The following ILRUN variants were observed in gnomAD, a reference collection of about 807,000 sequenced individuals.
ILRUN encodes the protein protein ILRUN.
ILRUN carries 3 observed loss-of-function variants against 33.8 expected under a neutral mutation model. The ratio of observed to expected loss-of-function variants is 0.09; its 90% confidence interval spans 0.04 to 0.23. ILRUN has a LOEUF of 0.23. Ranked by LOEUF, ILRUN falls within the 10% of genes least tolerant of loss-of-function variation. The pLI is 1.00. For synonymous variants in ILRUN, 124 were observed against 138.9 expected (o/e 0.89, Z 0.75); for missense variants, 210 against 375.1 (o/e 0.56, Z 3.64).
At chr6:34,609,450 C>T (rs369941379) in intron 3 of ILRUN, among the ~76,000 whole-genome samples, 69 of 151,912 alleles carry the variant, frequency 4.5e-4, no homozygotes, top group Non-Finnish European at 8.1e-4. Context: ...AGATCGTGCC[C>T]CTGCACTCCA....
At chr6:34,687,050 T>G (rs1168999782) in intron 1 of ILRUN, 4 of 185,006 alleles carry the variant, frequency 2.2e-5, no homozygotes, top group Admixed American at 2.0e-4. Flanking sequence ...TTCTAAGACA[T>G]GCAAGCATTT....
chr6:34,696,281 T>C, intron 1 of ILRUN, 165 bp downstream of exon 1: 1 of 692,334 alleles, frequency 1.4e-6, no homozygotes, highest in Non-Finnish European at 2.4e-6. Flanking sequence ...AGCCCCCAAA[T>C]ACTCCCTATG....
At chr6:34,619,884 C>G (rs1761977058) in intron 3 of ILRUN, among the ~76,000 whole-genome samples, 1 of 150,570 alleles carries the variant, frequency 6.6e-6, no homozygotes, top group Non-Finnish European at 1.5e-5. Context: ...ACTTGGGAGG[C>G]TGAGGCAGGA....
At chr6:34,620,332 C>T (rs1158928997) in intron 3 of ILRUN, among the ~76,000 whole-genome samples, 4 of 152,030 alleles carry the variant, frequency 2.6e-5, no homozygotes, top group African/African-American at 9.7e-5. Flanking sequence ...CAATAAGGAG[C>T]AAATTATTAA....
intron 3 of ILRUN, among the ~76,000 whole-genome samples, chr6:34,640,600 T>C (rs527878637): frequency 2.0e-5 from 3 of 150,580 alleles, no homozygotes; most frequent in African/African-American, 7.3e-5. Flanking sequence ...GTCCCAGCTA[T>C]TTGGGAGGCT....
chr6:34,623,212 T>C lies in ILRUN; in HGVS notation c.512-16308A>G, dbSNP rs187058738. 3.6e-3 allele frequency among the ~76,000 whole-genome samples: 555 copies of C among 152,320 alleles called. 4 individuals are homozygous for C. Among genetic ancestry groups the C allele is most frequent in the African/African-American group, 0.013 (529 of 41,564 alleles). On this transcript the variant is annotated intron_variant, in intron 3 of 4. Coordinates refer to ENST00000374023, the MANE Select transcript of ILRUN (RefSeq NM_024294.4). Reference sequence around the variant, plus strand: ...TGCCAGTGAACTGTACACTTAAAAATGGTTACAATAAATTGTATGTGTTAT... The same window carrying C: ...TGCCAGTGAACTGTACACTTAAAAACGGTTACAATAAATTGTATGTGTTAT...
intron 1 of ILRUN, among the ~76,000 whole-genome samples, chr6:34,683,732 T>G (rs1375314276): frequency 6.6e-6 from 1 of 151,758 alleles, no homozygotes; most frequent in African/African-American, 2.4e-5. Flanking sequence ...TCTTCAGTGT[T>G]TTAAAAATAC....
chr6:34,587,294 T>TGG lies in ILRUN; in HGVS notation c.*3269_*3270dup, dbSNP rs1481154508. 2 of 152,610 alleles carry TGG rather than the reference T, an allele frequency of 1.3e-5. No homozygotes were observed. The highest frequency in any genetic ancestry group is 4.8e-5 in the African/African-American group (2 of 41,422). 9.5% of individuals were successfully genotyped at this position (152,610 alleles called of 1,614,324 possible). On this transcript the variant is annotated 3_prime_UTR_variant, in exon 5 of 5. Coordinates refer to ENST00000374023, the MANE Select transcript of ILRUN (RefSeq NM_024294.4). ...CAACACACATGAAAACAGCTTTTTT[T>TGG]GGTGTGTGTGTTAATTTAATCATAC...
At chr6:34,633,865 G>A (rs1762297610) in intron 3 of ILRUN, among the ~76,000 whole-genome samples, 1 of 121,470 alleles carries the variant, frequency 8.2e-6, no homozygotes, top group South Asian at 3.3e-4. Flanking sequence ...GGAGGGGAGG[G>A]AGACATGGAG....
At chr6:34,608,797 C>G (rs1181083350) in intron 3 of ILRUN, among the ~76,000 whole-genome samples, 1 of 152,194 alleles carries the variant, frequency 6.6e-6, no homozygotes, top group African/African-American at 2.4e-5. Flanking sequence ...GACATTTGGT[C>G]ATAGTTCAGC....
At chr6:34,644,252 G>C (rs1762525973) in intron 3 of ILRUN, among the ~76,000 whole-genome samples, 1 of 152,066 alleles carries the variant, frequency 6.6e-6, no homozygotes, top group South Asian at 2.1e-4. Flanking sequence ...TTTAAGTCAT[G>C]TATATTGTCT....
intron 3 of ILRUN, among the ~76,000 whole-genome samples, chr6:34,645,150 T>C (rs1762541791): frequency 6.6e-6 from 1 of 152,026 alleles, no homozygotes; most frequent in South Asian, 2.1e-4. Context: ...TAGAAACAAC[T>C]CCAAAGTTCC....
chr6:34,696,358 C>A (rs1763773228), intron 1 of ILRUN, 88 bp downstream of exon 1: 1 of 1,391,558 alleles, frequency 7.2e-7, no homozygotes, highest in South Asian at 1.4e-5. Context: ...CCGCCTGGCT[C>A]GCCCTGCCGC....
chr6:34,659,037 G>C (rs1004859871), intron 1 of ILRUN, among the ~76,000 whole-genome samples: 4 of 152,220 alleles, frequency 2.6e-5, no homozygotes, highest in Non-Finnish European at 4.4e-5. Context: ...TTACCCTTGT[G>C]CCAGGCACCT....
intron 4 of ILRUN, among the ~76,000 whole-genome samples, chr6:34,602,976 T>C (rs913078071): frequency 1.3e-5 from 2 of 152,192 alleles, no homozygotes; most frequent in Admixed American, 6.5e-5. Context: ...CCAGCTCTCA[T>C]AGTGCAGGTG....
intron 3 of ILRUN, among the ~76,000 whole-genome samples, chr6:34,622,888 A>G (rs1227582356): frequency 6.6e-6 from 1 of 152,236 alleles, no homozygotes; most frequent in Non-Finnish European, 1.5e-5. Context: ...AAAATGTAGT[A>G]TATATATACA....
At chr6:34,677,593 A>G (rs150985590) in intron 1 of ILRUN, among the ~76,000 whole-genome samples, 35 of 152,268 alleles carry the variant, frequency 2.3e-4, no homozygotes, top group African/African-American at 8.4e-4. Context: ...AGCTTTTAGT[A>G]TTACAAGCAG....
At chr6:34,626,875 C>T (rs1173222180) in intron 3 of ILRUN, among the ~76,000 whole-genome samples, 3 of 151,880 alleles carry the variant, frequency 2.0e-5, no homozygotes, top group East Asian at 1.9e-4. Flanking sequence ...CATGGTGGTG[C>T]GCACTTGTAA....
intron 4 of ILRUN, among the ~76,000 whole-genome samples, chr6:34,602,592 C>A (rs1376028280): frequency 6.6e-6 from 1 of 152,164 alleles, no homozygotes; most frequent in African/African-American, 2.4e-5. Context: ...AGATGCTCTT[C>A]AGCTAATCAC....
Sources: gnomAD v4.1 joint callset for allele counts (sites outside exome capture counted in the v4.1 genomes callset) on GRCh38, gnomAD v4.1.1 for gene constraint, MANE v1.5 for transcripts, NCBI Gene and HGNC (gene_info 2026-07-23, HGNC 2026-07-21) for gene names.